The following MALRD1 variants were observed in gnomAD, a reference collection of about 807,000 sequenced individuals.
MALRD1 encodes MAM and LDL receptor class A domain containing 1.
MALRD1 carries 247 observed loss-of-function variants against 242.1 expected under a neutral mutation model. The ratio of observed to expected loss-of-function variants is 1.02; its 90% CI spans 0.92 to 1.13. The LOEUF is 1.13. MALRD1 is among the 50% of genes most tolerant of loss of function. MALRD1 has a pLI of 0.00. For synonymous variants in MALRD1, 995 were observed against 866.6 expected, an observed-to-expected ratio of 1.15 and a Z score of -2.60; for missense variants, 2,989 against 2,533.1, an observed-to-expected ratio of 1.18 and a Z score of -3.86.
chr10:19,189,339 C>G (rs536072030), intron 14 of MALRD1, among the ~76,000 whole-genome samples: 263 of 152,118 alleles, frequency 1.7e-3, no homozygotes, highest in Non-Finnish European at 2.8e-3. Context: ...CAAAGTAAAG[C>G]CCTGGAACTG....
At chr10:19,222,043 G>T (rs556603571) in intron 18 of MALRD1, among the ~76,000 whole-genome samples, 1 of 151,962 alleles carries the variant, frequency 6.6e-6, no homozygotes, top group East Asian at 1.9e-4. Context: ...TTCTCAGTCC[G>T]TGGCCAGTTT....
At chr10:19,586,806 C>A (rs972183741) in intron 33 of MALRD1, among the ~76,000 whole-genome samples, 2 of 152,232 alleles carry the variant, frequency 1.3e-5, no homozygotes, top group Non-Finnish European at 2.9e-5. Context: ...TGGGCAATGG[C>A]AGGTGCCCCT....
intron 19 of MALRD1, among the ~76,000 whole-genome samples, chr10:19,258,705 T>C (rs1431552435): frequency 6.6e-6 from 1 of 152,138 alleles, no homozygotes; most frequent in African/African-American, 2.4e-5. Context: ...ACAGGATCGA[T>C]TGGTGTTACC....
intron 29 of MALRD1, among the ~76,000 whole-genome samples, chr10:19,487,760 G>T (rs774890834): frequency 2.6e-5 from 4 of 152,112 alleles, no homozygotes; most frequent in Non-Finnish European, 5.9e-5. Flanking sequence ...TGGTAAATAT[G>T]ACCTTTAAGT....
intron 9 of MALRD1, among the ~76,000 whole-genome samples, 188 bp from the exon 10 acceptor site, chr10:19,136,386 C>A (rs1833340468): frequency 6.6e-6 from 1 of 151,404 alleles, no homozygotes; most frequent in Non-Finnish European, 1.5e-5. Context: ...ATGTGCACAA[C>A]CTGCAGGTTT....
chr10:19,143,174 A>T (rs943905050), intron 10 of MALRD1, among the ~76,000 whole-genome samples: 2 of 152,254 alleles, frequency 1.3e-5, no homozygotes, highest in Admixed American at 1.3e-4. Flanking sequence ...CATCTAGGTA[A>T]TGAAAGAAAT....
intron 19 of MALRD1, among the ~76,000 whole-genome samples, chr10:19,276,988 C>T (rs759107384): frequency 3.3e-5 from 5 of 152,038 alleles, no homozygotes; most frequent in South Asian, 2.1e-4. Flanking sequence ...GGTGTGATAT[C>T]GGCTCACTGC....
At chr10:19,249,453 A>C (rs771322635) in intron 18 of MALRD1, among the ~76,000 whole-genome samples, 5 of 151,806 alleles carry the variant, frequency 3.3e-5, no homozygotes, top group Non-Finnish European at 1.5e-5. Flanking sequence ...AACAGATGGG[A>C]TATAGCATGG....
chr10:19,441,442 T>C lies in MALRD1; in HGVS notation c.4846-8865T>C, dbSNP rs544357857. ...TGCCTATGTCCTGAATGGTATTGCC[T>C]AGGTTTTCTTCTAGGATTTTTATGG... On this transcript the variant is annotated intron_variant, in intron 28 of 39. Coordinates refer to ENST00000454679, the MANE Select transcript of MALRD1 (RefSeq NM_001142308.3). 2.6e-5 allele frequency among the ~76,000 whole-genome samples: 4 copies of C among 152,332 alleles called. No individual in the cohort carries two copies. In the South Asian group the frequency reaches 8.3e-4, roughly 32 times the overall value.
At chr10:19,163,527 G>C (rs1296116385) in intron 12 of MALRD1, among the ~76,000 whole-genome samples, 1 of 151,790 alleles carries the variant, frequency 6.6e-6, no homozygotes, top group Non-Finnish European at 1.5e-5. Context: ...GGAGGGAGAG[G>C]AGCAGAAAAG....
chr10:19,433,414 G>A (rs142475019), intron 28 of MALRD1, among the ~76,000 whole-genome samples: 5 of 152,292 alleles, frequency 3.3e-5, no homozygotes, highest in Non-Finnish European at 7.4e-5. Context: ...TGGAGCAGGA[G>A]TGAGGAGAAG....
chr10:19,336,033 GAATAA>G (rs1179863107), intron 24 of MALRD1, among the ~76,000 whole-genome samples: 1 of 151,834 alleles, frequency 6.6e-6, no homozygotes, highest in African/African-American at 2.4e-5. Context: ...GCTACAAAGA[GAATAA>G]AATACTTAGA....
At chr10:19,108,306 G>C (rs11008503) in intron 5 of MALRD1, among the ~76,000 whole-genome samples, 17,301 of 147,756 alleles carry the variant, frequency 0.12, 1,177 homozygotes, top group South Asian at 0.28. Context: ...TTCATTTGTT[G>C]ATATCCTCAG....
chr10:19,471,808 A>G (rs765123490), intron 29 of MALRD1, among the ~76,000 whole-genome samples: 2 of 151,740 alleles, frequency 1.3e-5, no homozygotes, highest in African/African-American at 2.4e-5. Flanking sequence ...TAATAATTCT[A>G]ACAGGGTTTT....
chr10:19,579,217 T>C lies in MALRD1; in HGVS notation c.5680+11514T>C, dbSNP rs552476361. Among the ~76,000 whole-genome samples the C allele has an allele frequency of 1.3e-4, 20 of 152,264 alleles. No individual in the cohort carries two copies. The South Asian group carries it at 3.7e-3, about 28-fold the overall frequency. On this transcript the variant is annotated intron_variant, in intron 33 of 39. Transcript: ENST00000454679. ...ATTGCATCATAAAGTAGTTGAGATA[T>C]TGCACCTGGAAGGTCTCTAATAGAC...
intron 34 of MALRD1, among the ~76,000 whole-genome samples, chr10:19,605,275 C>T (rs1838556295): frequency 1.3e-5 from 2 of 151,586 alleles, no homozygotes; most frequent in Non-Finnish European, 2.9e-5. Context: ...CTTCCTCAGT[C>T]TCCCAAGTAG....
chr10:19,570,700 A>G (rs1399855615), intron 33 of MALRD1, among the ~76,000 whole-genome samples: 3 of 152,094 alleles, frequency 2.0e-5, no homozygotes, highest in Admixed American at 1.3e-4. Flanking sequence ...AATGGTAAAG[A>G]AAAGTGTGAA....
intron 18 of MALRD1, among the ~76,000 whole-genome samples, chr10:19,224,599 G>T (rs116965706): frequency 6.6e-6 from 1 of 152,138 alleles, no homozygotes; most frequent in Admixed American, 6.6e-5. Flanking sequence ...CCTATGATGA[G>T]CTTTTTTTCA....
chr10:19,553,833 C>T (rs1377186776), intron 32 of MALRD1, among the ~76,000 whole-genome samples: 1 of 152,168 alleles, frequency 6.6e-6, no homozygotes, highest in Non-Finnish European at 1.5e-5. Flanking sequence ...GTAACATAGG[C>T]ACGTCCCTTA....
Sources: gnomAD v4.1 joint callset for allele counts (sites outside exome capture counted in the v4.1 genomes callset) on GRCh38, gnomAD v4.1.1 for gene constraint, MANE v1.5 for transcripts, NCBI Gene and HGNC (gene_info 2026-07-23, HGNC 2026-07-21) for gene names.